The following SPTAN1 variants were observed in gnomAD, a reference collection of about 807,000 sequenced individuals.
The protein encoded by SPTAN1 is spectrin alpha, non-erythrocytic 1, also known as spectrin alpha chain, non-erythrocytic 1.
In SPTAN1, 61 loss-of-function variants were observed where a neutral mutation model predicts 331.3. That is an observed-to-expected ratio of 0.18 (90% CI 0.15 to 0.23). The LOEUF (loss-of-function observed/expected upper bound fraction) is 0.23, where lower values mean the gene tolerates loss of function less well. Among genes scored for constraint, SPTAN1 ranks in the 10% least tolerant of loss-of-function variants. The pLI, the probability that SPTAN1 is intolerant of heterozygous loss-of-function variation, is 1.00. For synonymous variants in SPTAN1, 1,153 were observed against 1,173.9 expected, an observed-to-expected ratio of 0.98 and a Z score of 0.36; for missense variants, 2,043 against 3,147.9, an observed-to-expected ratio of 0.65 and a Z score of 8.40.
At chr9:128,586,321 C>G (rs1319861577) in intron 19 of SPTAN1, among the ~76,000 whole-genome samples, 1 of 151,744 alleles carries the variant, frequency 6.6e-6, no homozygotes, top group Non-Finnish European at 1.5e-5. Flanking sequence ...TTAGTAGAGA[C>G]AGGGTCTCGC....
In SPTAN1 at chr9:128,608,141, G is replaced by A; in HGVS notation, c.4356G>A (p.Arg1452=). 1 of 1,614,070 alleles carries A rather than the reference G, an allele frequency of 6.2e-7. No individual in the cohort carries two copies. Among genetic ancestry groups the A allele is most frequent in the Non-Finnish European group, 8.5e-7 (1 of 1,180,006 alleles). ...DQCLELQLFH[R]DCEQAENWMA... ...CTTGCCCTCTTTAGCTGTTCCATCG[G>A]GACTGTGAGCAAGCTGAGAACTGGA... The change falls in exon 34 of 57, where the codon CGG becomes CGA. Residue 1452 remains arginine (R), a synonymous_variant. Transcript: ENST00000372739.
chr9:128,623,160 G>A (rs183177675), intron 45 of SPTAN1, among the ~76,000 whole-genome samples: 1 of 151,704 alleles, frequency 6.6e-6, no homozygotes, highest in Admixed American at 6.6e-5. Context: ...GGTTTCAGCA[G>A]TTCTCCCACC....
chr9:128,606,017 G>A (rs1225570125), intron 31 of SPTAN1, among the ~76,000 whole-genome samples: 4 of 150,852 alleles, frequency 2.7e-5, no homozygotes, highest in Admixed American at 2.0e-4. Context: ...ATTAAAAACA[G>A]AAAAAAGTAG....
In SPTAN1 at chr9:128,624,464, C is replaced by T. The variant is rs1858430895; in HGVS notation, c.5969C>T (p.Ala1990Val). The T allele has an allele frequency of 6.2e-7, 1 of 1,613,536 alleles. No individual in the cohort carries two copies. The highest frequency in any genetic ancestry group is 8.5e-7 in the Non-Finnish European group (1 of 1,180,018). ...GCCTTCCTTCAGTTCAACTGGAAGG[C>T]GGACGTGGTGGAGTCCTGGATCGGT... The part of the protein sequence containing the change: ...NSAFLQFNWK[A>V]DVVESWIGEK... The change falls in exon 46 of 57, where the codon GCG (alanine) becomes GTG (valine). Residue 1990 changes from alanine (A) to valine (V), a missense_variant. By Grantham distance (64) the Ala-to-Val change is moderately conservative (BLOSUM62 0). This residue lies in a region of SPTAN1 where 323 missense variants were observed against 581.1 expected (regional missense o/e 0.56). Coordinates refer to ENST00000372739, the MANE Select transcript of SPTAN1 (RefSeq NM_001130438.3).
At chr9:128,587,468 C>T (rs1218931265) in intron 19 of SPTAN1, 138 bp from the exon 20 acceptor site, 1 of 729,234 alleles carries the variant, frequency 1.4e-6, no homozygotes, top group Non-Finnish European at 2.5e-6. Flanking sequence ...GATATTAGCA[C>T]TGTAAGAAGG....
intron 1 of SPTAN1, chr9:128,553,003 C>T (rs1476740624): frequency 6.6e-6 from 1 of 152,286 alleles, no homozygotes; most frequent in Non-Finnish European, 1.5e-5. Flanking sequence ...TGCGGCGCGG[C>T]CCTGCCCTGC....
chr9:128,611,155 A>C (rs1017309537), intron 37 of SPTAN1, among the ~76,000 whole-genome samples: 1 of 152,188 alleles, frequency 6.6e-6, no homozygotes, highest in Non-Finnish European at 1.5e-5. Flanking sequence ...ACTCCCAAAT[A>C]GCTAGCATAG....
rs1851873000 is a variant in SPTAN1 at position 128,580,983 on chromosome 9, A to G, written c.1385A>G (p.Gln462Arg). 4 of 1,614,024 alleles carry G rather than the reference A, an allele frequency of 2.5e-6. No homozygotes were observed. The highest frequency in any genetic ancestry group is 1.7e-4 in the Middle Eastern group (1 of 5,980). ...LLELWELRRQ[Q>R]YEQCMDLQLF... ...GAGCTGTGGGAGCTGCGCAGGCAGC[A>G]GTACGAGCAGTGCATGGACCTGCAG... Residue 462 changes from glutamine to arginine, a missense_variant, in exon 11 of 57, where the codon CAG becomes CGG. Transcript: ENST00000372739.
At position 128,584,397 on chromosome 9, in the gene SPTAN1, A is replaced by G. The variant is rs988580758; in HGVS notation, c.2309A>G (p.Lys770Arg). Reference protein sequence around the residue: ...EALVARYEALKEPMVARKQKL... With the variant: ...EALVARYEALREPMVARKQKL... ...CTCGTGGCTCGCTATGAGGCACTCAAGGAGCCCATGGTTGCCCGGAAGCAG... is the reference window on the plus strand; with the variant it reads ...CTCGTGGCTCGCTATGAGGCACTCAGGGAGCCCATGGTTGCCCGGAAGCAG... The change falls in exon 17 of 57, where the codon AAG becomes AGG. Residue 770 changes from lysine (K) to arginine (R), a missense_variant. Physicochemically the swap from Lys to Arg is conservative, Grantham distance 26 (BLOSUM62 2). Coordinates refer to ENST00000372739, the MANE Select transcript of SPTAN1 (RefSeq NM_001130438.3). 12 of 1,614,050 alleles carry G rather than the reference A, an allele frequency of 7.4e-6. No individual in the cohort carries two copies. Among genetic ancestry groups the G allele is most frequent in the Middle Eastern group, 1.6e-4 (1 of 6,084 alleles).
intron 36 of SPTAN1, 115 bp downstream of exon 36, chr9:128,609,399 A>G (rs1000206858): frequency 5.1e-5 from 77 of 1,496,604 alleles, no homozygotes; most frequent in Non-Finnish European, 6.9e-5. Flanking sequence ...GTCAGTGAGA[A>G]ATATTTCAGT....
intron 1 of SPTAN1, among the ~76,000 whole-genome samples, chr9:128,561,687 A>AAAAG (rs1849385556): frequency 6.8e-6 from 1 of 147,002 alleles, no homozygotes; most frequent in Non-Finnish European, 1.5e-5. Flanking sequence ...AAAAAAAAAA[A>AAAAG]AGAATATGTC....
In SPTAN1 at chr9:128,561,662, CAAAAAAA is replaced by C. The variant is rs762156669; in HGVS notation, c.-3-5056_-3-5050del. Among the ~76,000 whole-genome samples, 56 of 15,984 alleles carry C rather than the reference CAAAAAAA, an allele frequency of 3.5e-3. 2 individuals carry two copies. In the South Asian group the frequency reaches 0.059, roughly 17 times the overall value. 10.5% of individuals were successfully genotyped at this position (15,984 alleles called of 152,430 possible). A position where few individuals can be genotyped will look rare whatever the true frequency, so the allele number is the denominator to read the frequency against. ...TGGGCAACAGAGCGAGACTCCGTCT[CAAAAAAA>C]AAAAAAAAAAAAAAAAAAAGAATAT... is the stretch of plus-strand genomic sequence containing the variant. On this transcript the variant is annotated intron_variant, in intron 1 of 56. Transcript: ENST00000372739.
Position 128,587,718 on chromosome 9 carries a change from T to C in SPTAN1, c.2871+20T>C, listed in dbSNP as rs1564236396. 2 of 1,610,334 alleles carry C rather than the reference T, an allele frequency of 1.2e-6. No individual in the cohort carries two copies. The highest frequency in any genetic ancestry group is 1.7e-6 in the Non-Finnish European group (2 of 1,176,578). ...TGCCGGGTAAACTTGTAACAGTTTA[T>C]GGGTTACTGGAGGGAGGCCTTGAAG... On this transcript the variant is annotated intron_variant, in intron 20 of 56. Coordinates refer to ENST00000372739, the MANE Select transcript of SPTAN1 (RefSeq NM_001130438.3).
At chr9:128,562,477 G>A (rs762817568) in intron 1 of SPTAN1, among the ~76,000 whole-genome samples, 13 of 152,276 alleles carry the variant, frequency 8.5e-5, no homozygotes, top group East Asian at 1.9e-4. Flanking sequence ...AACTTTTTGA[G>A]CTTTCAAATG....
rs1274297286 is a variant in SPTAN1 at position 128,593,232 on chromosome 9, T to G, written c.3215+190T>G. 4 of 675,096 alleles carry G rather than the reference T, an allele frequency of 5.9e-6. No individual in the cohort carries two copies. In the South Asian group the frequency reaches 6.3e-5, roughly 11 times the overall value. 41.8% of individuals were successfully genotyped at this position (675,096 alleles called of 1,614,324 possible). Reference sequence around the variant, plus strand: ...TGCAGCTGTGTCGGTCGATGACTGCTTATCTCATTGGTTGCTTCCATGTGC... The same window carrying G: ...TGCAGCTGTGTCGGTCGATGACTGCGTATCTCATTGGTTGCTTCCATGTGC... On this transcript the variant is annotated intron_variant, in intron 23 of 56. Coordinates refer to ENST00000372739, the MANE Select transcript of SPTAN1 (RefSeq NM_001130438.3).
intron 2 of SPTAN1, 130 bp from the exon 3 acceptor site, chr9:128,568,642 A>G: frequency 7.9e-7 from 1 of 1,262,728 alleles, no homozygotes; most frequent in South Asian, 1.3e-5. Flanking sequence ...GAGAATGGGC[A>G]AGGTGCCAAA....
intron 45 of SPTAN1, chr9:128,622,139 C>G (rs1490872446): frequency 1.3e-5 from 2 of 152,168 alleles, no homozygotes; most frequent in Non-Finnish European, 1.5e-5. Context: ...AATAAACTTG[C>G]GTGAAACTAA....
intron 20 of SPTAN1, among the ~76,000 whole-genome samples, chr9:128,588,459 G>A (rs1054473514): frequency 6.6e-6 from 1 of 150,902 alleles, no homozygotes; most frequent in African/African-American, 2.4e-5. Context: ...TTACAGGCAC[G>A]CACCACCACG....
In SPTAN1 at chr9:128,587,314, G is replaced by C. The variant is rs917241107; in HGVS notation, c.2779-292G>C. Among the ~76,000 whole-genome samples, 7 of 150,556 alleles carry C rather than the reference G, an allele frequency of 4.6e-5. No homozygotes were observed. The South Asian group carries it at 1.5e-3, about 32-fold the overall frequency. ...TGCCCAGGCTGGTCTTGAACTCCTG[G>C]GCTCAAGCTGTCTGCCTGCCTCAGC... On this transcript the variant is annotated intron_variant, in intron 19 of 56. Coordinates refer to ENST00000372739, the MANE Select transcript of SPTAN1 (RefSeq NM_001130438.3).
Sources: gnomAD v4.1 joint callset for allele counts (sites outside exome capture counted in the v4.1 genomes callset) on GRCh38, gnomAD v4.1.1 for gene constraint, gnomAD v4.1.1 regional missense constraint, MANE v1.5 for transcripts, NCBI Gene and HGNC (gene_info 2026-07-23, HGNC 2026-07-21) for gene names.